EHD2: variants seen among roughly 807,000 people sequenced by gnomAD.
EHD2 encodes EH domain-containing protein 2.
A neutral mutation model predicts 41.0 loss-of-function variants in EHD2; 27 were observed. The observed-to-expected ratio is 0.66, with a 90% confidence interval of 0.49 to 0.91. The LOEUF is 0.91. Ranked by LOEUF, EHD2 falls within the 40% of genes least tolerant of loss-of-function variation. The pLI, the probability that EHD2 is intolerant of heterozygous loss-of-function variation, is 0.00. For synonymous variants in EHD2, 342 were observed against 341.0 expected (o/e 1.00, Z -0.03); for missense variants, 673 against 773.9 (o/e 0.87, Z 1.55).
chr19:47,728,497 C>T (rs1165506754), intron 4 of EHD2, among the ~76,000 whole-genome samples: 1 of 151,372 alleles, frequency 6.6e-6, no homozygotes, highest in African/African-American at 2.4e-5. Context: ...CTTTCTTCTC[C>T]TCTCCTCTCC....
At position 47,717,036 on chromosome 19, in the gene EHD2, A is replaced by G. The variant is rs1973636697; in HGVS notation, c.404+20A>G. 2 of 1,598,452 alleles carry G rather than the reference A, an allele frequency of 1.3e-6. No homozygotes were observed. Among genetic ancestry groups the G allele is most frequent in the South Asian group, 1.1e-5 (1 of 91,064 alleles). On this transcript the variant is annotated intron_variant, in intron 2 of 5. Coordinates refer to ENST00000263277, the MANE Select transcript of EHD2 (RefSeq NM_014601.4). Reference sequence around the variant, plus strand: ...CAACAGGTGTGCCAGCCGCGAGCCCAGGGCGCATCTTTCTTTTTCTTTTTG... The same window carrying G: ...CAACAGGTGTGCCAGCCGCGAGCCCGGGGCGCATCTTTCTTTTTCTTTTTG...
At chr19:47,740,660 C>T (rs1249854692) in intron 5 of EHD2, among the ~76,000 whole-genome samples, 1 of 152,262 alleles carries the variant, frequency 6.6e-6, no homozygotes, top group Admixed American at 6.5e-5. Context: ...GCAGGAGAAT[C>T]GCTTGAAACC....
At position 47,741,952 on chromosome 19, in the gene EHD2, C is replaced by T. The variant is rs906316286; in HGVS notation, c.*520C>T. Reference sequence around the variant, plus strand: ...CAGATAAACAGACCCCCTTCTGCTCCGCTTCCTCCTGCCCAGCCAGGCAAC... The same window carrying T: ...CAGATAAACAGACCCCCTTCTGCTCTGCTTCCTCCTGCCCAGCCAGGCAAC... On this transcript the variant is annotated 3_prime_UTR_variant, in exon 6 of 6. Coordinates refer to ENST00000263277, the MANE Select transcript of EHD2 (RefSeq NM_014601.4). This position sits in a 1 kb window ranked among gnomAD's most constrained non-coding sequence, Gnocchi z 4.5. 2.9e-5 allele frequency: 13 copies of T among 456,094 alleles called. No individual in the cohort carries two copies. The highest frequency in any genetic ancestry group is 3.2e-4 in the Middle Eastern group (1 of 3,090). 28.3% of individuals were successfully genotyped at this position (456,094 alleles called of 1,614,324 possible).
At position 47,718,809 on chromosome 19, in the gene EHD2, C is replaced by G. The variant is rs1375901315; in HGVS notation, c.502+203C>G. On this transcript the variant is annotated intron_variant, in intron 3 of 5. Transcript: ENST00000263277. The stretch of plus-strand genomic sequence containing the variant: ...AGGGGCTGGGCCCAGACTCCTGGGT[C>G]TGAGGGAGGAGGGGCTGGGGGCCTG... Among the ~76,000 whole-genome samples, 31 of 106,554 alleles carry G rather than the reference C, an allele frequency of 2.9e-4. 1 individual carries two copies. The highest frequency in any genetic ancestry group is 1.0e-3 in the African/African-American group (29 of 28,026). The allele number at this position is 106,554 out of a possible 152,430, so 69.9% of individuals were successfully genotyped here. A position where few individuals can be genotyped will look rare whatever the true frequency, so the allele number is the denominator to read the frequency against.
chr19:47,725,814 T>A lies in EHD2; in HGVS notation c.505T>A (p.Tyr169Asn). The change falls in exon 4 of 6, where the codon TAC becomes AAC. Residue 169 changes from tyrosine (Y) to asparagine (N), a missense_variant and splice_region_variant. Transcript: ENST00000263277. ...CTGTCTCTCCACTCCCACTCCAGGC[T>A]ACGACTTCCCGGCCGTGCTGCGCTG... Reference protein sequence around the residue: ...SGAKQRVSRGYDFPAVLRWFA... With the variant: ...SGAKQRVSRGNDFPAVLRWFA... The A allele has an allele frequency of 6.3e-7, 1 of 1,576,578 alleles. No homozygotes were observed. Among genetic ancestry groups the A allele is most frequent in the East Asian group, 2.3e-5 (1 of 44,270 alleles).
chr19:47,725,504 A>C (rs1267984234), intron 3 of EHD2, among the ~76,000 whole-genome samples: 1 of 151,496 alleles, frequency 6.6e-6, no homozygotes, highest in Non-Finnish European at 1.5e-5. Context: ...CGGGAAGCAG[A>C]GGTTGCAGGG....
chr19:47,741,144 G>C lies in EHD2; in HGVS notation c.1344G>C (p.Lys448Asn), dbSNP rs35910701. The C allele has an allele frequency of 1.2e-6, 2 of 1,612,262 alleles. No homozygotes were observed. Among genetic ancestry groups the C allele is most frequent in the Non-Finnish European group, 1.7e-6 (2 of 1,179,950 alleles). ...ACGAGGCCGAGTGGGTGGTGACCAA[G>C]GACAAGTCCAAATACGACGAGATCT... is the stretch of plus-strand genomic sequence containing the variant. The part of the protein sequence containing the change: ...SDDEAEWVVT[K>N]DKSKYDEIFY... The change falls in exon 6 of 6, where the codon AAG (lysine) becomes AAC (asparagine). Residue 448 changes from lysine to asparagine, a missense_variant. By Grantham distance (94) the Lys-to-Asn change is moderately conservative (BLOSUM62 0). Coordinates refer to ENST00000263277, the MANE Select transcript of EHD2 (RefSeq NM_014601.4). This position sits in a 1 kb window ranked among gnomAD's most constrained non-coding sequence, Gnocchi z 4.5.
At chr19:47,725,015 A>T (rs1973735402) in intron 3 of EHD2, among the ~76,000 whole-genome samples, 2 of 127,764 alleles carry the variant, frequency 1.6e-5, no homozygotes, top group Non-Finnish European at 3.3e-5. Context: ...AAAAAAAAAA[A>T]AAAATTATCA....
chr19:47,731,277 A>ATATATATATATATATATATGTAT, intron 4 of EHD2: 1 of 26,952 alleles, frequency 3.7e-5, no homozygotes, highest in African/African-American at 8.9e-5. Flanking sequence ...TAAAAAAAAA[A>ATATATATATATATATATATGTAT]AAATATATAT....
intron 5 of EHD2, 55 bp downstream of exon 5, chr19:47,736,588 C>T (rs2123657815): frequency 1.3e-6 from 2 of 1,515,836 alleles, no homozygotes; most frequent in East Asian, 2.4e-5. Flanking sequence ...AGGTTGGTTT[C>T]TGGAAGCTCT....
At chr19:47,723,911 C>T (rs1471373082) in intron 3 of EHD2, among the ~76,000 whole-genome samples, 1 of 151,932 alleles carries the variant, frequency 6.6e-6, no homozygotes, top group African/African-American at 2.4e-5. Context: ...TCTCAAACTC[C>T]CAGGCTCAAG....
chr19:47,718,935 G>C (rs950407775), intron 3 of EHD2, among the ~76,000 whole-genome samples: 1 of 151,732 alleles, frequency 6.6e-6, no homozygotes, highest in Non-Finnish European at 1.5e-5. Flanking sequence ...AGAGGGGCTG[G>C]GCCTGGACTC....
Position 47,725,903 on chromosome 19 carries a change from C to G in EHD2, c.594C>G (p.Asp198Glu). The G allele has an allele frequency of 6.2e-7, 1 of 1,613,884 alleles. No individual in the cohort carries two copies. Among genetic ancestry groups the G allele is most frequent in the Non-Finnish European group, 8.5e-7 (1 of 1,179,772 alleles). ...LFDAHKLEIS[D>E]EFSEAIGALR... ...ATGCGCACAAGCTGGAGATCTCGGA[C>G]GAGTTCTCAGAGGCCATCGGCGCGT... The change falls in exon 4 of 6, where the codon GAC becomes GAG. Residue 198 changes from aspartate to glutamate, a missense_variant. Coordinates refer to ENST00000263277, the MANE Select transcript of EHD2 (RefSeq NM_014601.4).
chr19:47,741,513 G>C lies in EHD2; in HGVS notation c.*81G>C. On this transcript the variant is annotated 3_prime_UTR_variant, in exon 6 of 6. Coordinates refer to ENST00000263277, the MANE Select transcript of EHD2 (RefSeq NM_014601.4). The surrounding 1 kb of genome is among the most constrained non-coding windows in gnomAD (Gnocchi z 4.5). ...CACACCCCTGCTCCGGCTCACACAC[G>C]CCCTGCCTGCCCTCCCTGCCCAGCT... is the stretch of plus-strand genomic sequence containing the variant. The C allele has an allele frequency of 7.0e-7, 1 of 1,419,464 alleles. No homozygotes were observed. Among genetic ancestry groups the C allele is most frequent in the Non-Finnish European group, 9.4e-7 (1 of 1,065,086 alleles). The allele number at this position is 1,419,464 out of a possible 1,614,324, so 87.9% of individuals were successfully genotyped here.
In EHD2 at chr19:47,727,894, G is replaced by A. The variant is rs140697205; in HGVS notation, c.915+1670G>A. Reference sequence around the variant, plus strand: ...GCAGATCACTTGAGGTCAGGAGTTCGAGACCAGCCTGGTCAAGATGGTGAA... The same window carrying A: ...GCAGATCACTTGAGGTCAGGAGTTCAAGACCAGCCTGGTCAAGATGGTGAA... On this transcript the variant is annotated intron_variant, in intron 4 of 5. Transcript: ENST00000263277. Among the ~76,000 whole-genome samples the A allele has an allele frequency of 2.8e-3, 425 of 151,990 alleles. 1 individual carries two copies. The highest frequency in any genetic ancestry group is 4.6e-3 in the Non-Finnish European group (312 of 67,988).
chr19:47,722,382 C>T lies in EHD2; in HGVS notation c.503-3430C>T, dbSNP rs548266995. ...AGTTGCTGTCCCTCCAGTGACTTGGCCCTTCCTCCCCCAAAACAACGGCCC... is the reference window on the plus strand; with the variant it reads ...AGTTGCTGTCCCTCCAGTGACTTGGTCCTTCCTCCCCCAAAACAACGGCCC... On this transcript the variant is annotated intron_variant, in intron 3 of 5. Coordinates refer to ENST00000263277, the MANE Select transcript of EHD2 (RefSeq NM_014601.4). Among the ~76,000 whole-genome samples the T allele has an allele frequency of 4.6e-5, 7 of 152,234 alleles. No homozygotes were observed. In the East Asian group the frequency reaches 7.7e-4, roughly 17 times the overall value.
chr19:47,722,767 T>C (rs1018171878), intron 3 of EHD2, among the ~76,000 whole-genome samples: 14 of 151,978 alleles, frequency 9.2e-5, no homozygotes, highest in Non-Finnish European at 1.8e-4. Flanking sequence ...GGGGTTTCAC[T>C]ATGTTGGTCA....
rs1406073895 is a variant in EHD2 at position 47,719,513 on chromosome 19, C to T, written c.502+907C>T. On this transcript the variant is annotated intron_variant, in intron 3 of 5. Transcript: ENST00000263277. This position sits in a 1 kb window ranked among gnomAD's most constrained non-coding sequence, Gnocchi z 4.1. ...CAGCCCAGCTCAGCATCTGTGGTCC[C>T]CCAGCCCCACAGATCTGTGTCCCCC... Among the ~76,000 whole-genome samples the T allele has an allele frequency of 6.6e-6, 1 of 152,128 alleles. No individual in the cohort carries two copies. Among genetic ancestry groups the T allele is most frequent in the African/African-American group, 2.4e-5 (1 of 41,424 alleles).
Position 47,726,035 on chromosome 19 carries a change from G to C in EHD2, c.726G>C (p.Lys242Asn), listed in dbSNP as rs770150064. The change falls in exon 4 of 6, where the codon AAG (lysine) becomes AAC (asparagine). Residue 242 changes from lysine (K) to asparagine (N), a missense_variant. Lys to Asn is a moderately conservative substitution (Grantham distance 94). Transcript: ENST00000263277. ...VYGALMWALG[K>N]VVGTPEVLRV... ...GCGCGCTCATGTGGGCGCTGGGCAA[G>C]GTGGTGGGCACGCCCGAGGTGCTGC... 4 of 1,596,464 alleles carry C rather than the reference G, an allele frequency of 2.5e-6. No individual in the cohort carries two copies. The South Asian group carries it at 4.5e-5, about 18-fold the overall frequency.
Sources: gnomAD v4.1 joint callset for allele counts (sites outside exome capture counted in the v4.1 genomes callset) on GRCh38, gnomAD v4.1.1 for gene constraint, Gnocchi (gnomAD v3.1) non-coding constraint, MANE v1.5 for transcripts, NCBI Gene and HGNC (gene_info 2026-07-23, HGNC 2026-07-21) for gene names.